Variants in ADSL observed in about 807,000 individuals in gnomAD.
ADSL encodes the protein adenylosuccinate lyase, also known as adenylosuccinase.
Under a neutral mutation model 62.1 loss-of-function variants are expected in ADSL, and 44 were observed. That is an observed-to-expected ratio of 0.71 (90% CI 0.56 to 0.91). ADSL has a LOEUF of 0.91. ADSL is among the 40% of genes least tolerant of loss of function. ADSL has a pLI of 0.00. For synonymous variants in ADSL, 198 were observed against 220.5 expected, an observed-to-expected ratio of 0.90 and a Z score of 0.90; for missense variants, 531 against 627.4, an observed-to-expected ratio of 0.85 and a Z score of 1.64.
At chr22:40,364,720 G>T in intron 11 of ADSL, 160 bp from the exon 12 acceptor site, 1 of 761,700 alleles carries the variant, frequency 1.3e-6, no homozygotes. Flanking sequence ...GCAGAGAGTT[G>T]AGAAGACCCT....
chr22:40,351,344 T>G (rs1414607083), intron 2 of ADSL, among the ~76,000 whole-genome samples: 1 of 151,658 alleles, frequency 6.6e-6, no homozygotes, highest in Non-Finnish European at 1.5e-5. Flanking sequence ...CTAATTTTTT[T>G]TATTTTTAGT....
downstream of ADSL, chr22:40,370,465 C>T (rs1245945164): frequency 6.6e-6 from 1 of 152,290 alleles, no homozygotes; most frequent in Non-Finnish European, 1.5e-5. Context: ...GCGGTGCAGA[C>T]GAAGAAATCA....
At chr22:40,357,636 C>G (rs1436939204) in intron 4 of ADSL, among the ~76,000 whole-genome samples, 1 of 152,208 alleles carries the variant, frequency 6.6e-6, no homozygotes, top group Non-Finnish European at 1.5e-5. Context: ...AGCTGTTCTC[C>G]ATAGCATGAC....
downstream of ADSL, among the ~76,000 whole-genome samples, chr22:40,370,920 C>A (rs1018841785): frequency 2.0e-5 from 3 of 152,180 alleles, no homozygotes; most frequent in Admixed American, 1.3e-4. Flanking sequence ...CTGCGTCCTC[C>A]GGTGCGGCCG....
rs1001524766 is a variant in ADSL, at chr22:40,364,269, C to T, written c.1102-7C>T. 1.9e-6 allele frequency: 3 copies of T among 1,613,234 alleles called. No homozygotes were observed. The highest frequency in any genetic ancestry group is 2.5e-6 in the Non-Finnish European group (3 of 1,179,700). On this transcript the variant is annotated splice_polypyrimidine_tract_variant and splice_region_variant and intron_variant, in intron 10 of 12. Coordinates refer to ENST00000623063, the MANE Select transcript of ADSL (RefSeq NM_000026.4). ...TTCTTGGTCATTCACCGTATCTTTT[C>T]CTATAGGTAATTGAACGGCGCATTC... is the stretch of plus-strand genomic sequence containing the variant.
intron 2 of ADSL, among the ~76,000 whole-genome samples, chr22:40,381,025 A>G (rs1362582765): frequency 6.6e-6 from 1 of 152,194 alleles, no homozygotes; most frequent in Non-Finnish European, 1.5e-5. Context: ...AATATAAGCA[A>G]TGTTTTAGCA....
At chr22:40,352,110 C>A (rs1269942391) in intron 2 of ADSL, 1 of 152,186 alleles carries the variant, frequency 6.6e-6, no homozygotes, top group Non-Finnish European at 1.5e-5. Context: ...CGTTTCATAT[C>A]GACATGTGTT....
In ADSL at chr22:40,361,266, C is replaced by T; in HGVS notation, c.793-7C>T. 6.2e-7 allele frequency: 1 copy of T among 1,613,890 alleles called. No homozygotes were observed. ...TGGGGTGATGCTTATTCCCCTACCT[C>T]CCCCAGATTTGCACCGACATACGCC... On this transcript the variant is annotated splice_region_variant and splice_polypyrimidine_tract_variant and intron_variant, in intron 7 of 12. Coordinates refer to ENST00000623063, the MANE Select transcript of ADSL (RefSeq NM_000026.4).
At chr22:40,364,639 G>C in intron 11 of ADSL, 2 of 628,096 alleles carry the variant, frequency 3.2e-6, no homozygotes, top group Non-Finnish European at 5.7e-6. Flanking sequence ...ACGAGCAAAT[G>C]ATTCATGAGG....
chr22:40,366,507 A>G lies in ADSL; in HGVS notation c.1440A>G (p.Ala480=). Residue 480 remains alanine, a synonymous_variant, in exon 13 of 13, where the codon GCA becomes GCG. Coordinates refer to ENST00000623063, the MANE Select transcript of ADSL (RefSeq NM_000026.4). ...ATGAAAGCGTGATGAAGGTGAAAGC[A>G]GAATTATGTCTGTAGAGTTGGAAGA... ...KPYESVMKVK[A]ELCL is the part of the protein sequence containing the mutation. The G allele has an allele frequency of 6.2e-7, 1 of 1,610,742 alleles. No individual in the cohort carries two copies. Among genetic ancestry groups the G allele is most frequent in the Non-Finnish European group, 8.5e-7 (1 of 1,176,950 alleles).
At position 40,368,877 on chromosome 22, in the gene ADSL, T is replaced by G. The variant is rs1247733415; in HGVS notation, c.*2355T>G. The G allele has an allele frequency of 6.6e-6, 1 of 152,276 alleles. No homozygotes were observed. Among genetic ancestry groups the G allele is most frequent in the Non-Finnish European group, 1.5e-5 (1 of 68,104 alleles). The allele number at this position is 152,276 out of a possible 1,614,324, so 9.4% of individuals were successfully genotyped here. A position where few individuals can be genotyped will look rare whatever the true frequency, so the allele number is the denominator to read the frequency against. ...AGGCAGAAGTTGCAGTGAGCCAAGA[T>G]CATGCCACTGTACTCCAGCCTGGGC... On this transcript the variant is annotated 3_prime_UTR_variant, in exon 13 of 13. Transcript: ENST00000623063.
intron 2 of ADSL, among the ~76,000 whole-genome samples, chr22:40,385,877 G>T (rs1286351962): frequency 1.3e-5 from 2 of 152,018 alleles, no homozygotes; most frequent in Non-Finnish European, 2.9e-5. Flanking sequence ...TGAAGACCGG[G>T]TCTCACTCTG....
intron 4 of ADSL, among the ~76,000 whole-genome samples, chr22:40,357,361 C>G (rs1166862760): frequency 1.7e-4 from 24 of 145,436 alleles, no homozygotes; most frequent in Admixed American, 1.6e-3. Flanking sequence ...TCAAGTGATT[C>G]TCCTGCCTCA....
intron 3 of ADSL, 192 bp downstream of exon 3, chr22:40,353,309 C>T: frequency 1.4e-6 from 1 of 706,000 alleles, no homozygotes; most frequent in South Asian, 1.5e-5. Flanking sequence ...TCCTCCTTCT[C>T]CTTTCTTCTT....
chr22:40,350,320 G>T, intron 2 of ADSL: 1 of 362,478 alleles, frequency 2.8e-6, no homozygotes, highest in Non-Finnish European at 5.2e-6. Flanking sequence ...TAGAGATGGG[G>T]TTTCACCATG....
At chr22:40,352,388 C>T (rs1384098016) in intron 2 of ADSL, among the ~76,000 whole-genome samples, 2 of 151,988 alleles carry the variant, frequency 1.3e-5, no homozygotes, top group Non-Finnish European at 1.5e-5. Flanking sequence ...ATTAGCTGGG[C>T]GTGGTGGCGG....
At chr22:40,351,822 T>G (rs891527781) in intron 2 of ADSL, 1 of 151,992 alleles carries the variant, frequency 6.6e-6, no homozygotes, top group Non-Finnish European at 1.5e-5. Context: ...CCCGGCTAAT[T>G]TTTTGTATTT....
intron 12 of ADSL, among the ~76,000 whole-genome samples, chr22:40,365,636 G>A (rs2044975176): frequency 6.6e-6 from 1 of 152,040 alleles, no homozygotes; most frequent in Admixed American, 6.6e-5. Context: ...TTGGGAGGCC[G>A]AGGCAGGAGG....
intron 2 of ADSL, among the ~76,000 whole-genome samples, chr22:40,350,478 G>A (rs5995847): frequency 1.1e-4 from 17 of 152,208 alleles, no homozygotes; most frequent in African/African-American, 4.1e-4. Flanking sequence ...AATTTTTTCA[G>A]CTTTTAGTGT....
Sources: gnomAD v4.1 joint callset for allele counts (sites outside exome capture counted in the v4.1 genomes callset) on GRCh38, gnomAD v4.1.1 for gene constraint, MANE v1.5 for transcripts, NCBI Gene and HGNC (gene_info 2026-07-23, HGNC 2026-07-21) for gene names.